The following CRACR2B variants were observed in gnomAD, a reference collection of about 807,000 sequenced individuals.
CRACR2B encodes EF-hand calcium-binding domain-containing protein 4A.
CRACR2B carries 50 observed loss-of-function variants against 46.0 expected under a neutral mutation model. That is an observed-to-expected ratio of 1.09 (90% confidence interval 0.87 to 1.38). The LOEUF (loss-of-function observed/expected upper bound fraction) is 1.38. Among genes scored for constraint, CRACR2B ranks in the 40% most tolerant of loss-of-function variants. The pLI, the probability that CRACR2B is intolerant of heterozygous loss-of-function variation, is 0.00. For missense variants in CRACR2B, 667 were observed against 535.0 expected, an observed-to-expected ratio of 1.25 and a Z score of -2.43; for synonymous variants, 277 against 239.6, an observed-to-expected ratio of 1.16 and a Z score of -1.44.
intron 5 of CRACR2B, 98 bp from the exon 6 acceptor site, chr11:830,523 G>C: frequency 6.5e-7 from 1 of 1,541,994 alleles, no homozygotes; most frequent in Non-Finnish European, 8.7e-7. Flanking sequence ...ACCCGACCCC[G>C]CTCCGCCCGG....
At position 831,214 on chromosome 11, in the gene CRACR2B, C is replaced by T. The variant is rs1846398875; in HGVS notation, c.954-10C>T. 4 of 1,609,986 alleles carry T rather than the reference C, an allele frequency of 2.5e-6. No homozygotes were observed. The highest frequency in any genetic ancestry group is 3.4e-6 in the Non-Finnish European group (4 of 1,179,228). On this transcript the variant is annotated splice_polypyrimidine_tract_variant and intron_variant, in intron 7 of 8. Coordinates refer to ENST00000525077, the MANE Select transcript of CRACR2B (RefSeq NM_001286606.2). ...CTTCCTGCAGCCGGGTCACCACCTC[C>T]CATCCACAGAGACGTGGTCGCCGTC...
At chr11:830,530 C>T in intron 5 of CRACR2B, 91 bp from the exon 6 acceptor site, 1 of 1,543,766 alleles carries the variant, frequency 6.5e-7, no homozygotes, top group South Asian at 1.2e-5. Flanking sequence ...CCCGCTCCGC[C>T]CGGGCCCACT....
upstream of CRACR2B, chr11:827,547 G>T (rs1247395932): frequency 3.0e-6 from 3 of 985,174 alleles, no homozygotes; most frequent in Non-Finnish European, 3.6e-6. Context: ...CCTCCCTGGG[G>T]CCCTGCTGCC....
chr11:830,368 G>A, intron 5 of CRACR2B, 31 bp downstream of exon 5: 1 of 1,536,746 alleles, frequency 6.5e-7, no homozygotes, highest in Non-Finnish European at 8.7e-7. Flanking sequence ...CTCCCGCCAG[G>A]CCCAATCCCA....
rs750281226 is a variant in CRACR2B, at chr11:830,668, G to A, written c.741G>A (p.Gln247=). 1.9e-5 allele frequency: 30 copies of A among 1,547,196 alleles called. No homozygotes were observed. Among genetic ancestry groups the A allele is most frequent in the Non-Finnish European group, 2.4e-5 (27 of 1,146,204 alleles). The change falls in exon 6 of 9, where the codon CAG becomes CAA. Residue 247 remains glutamine (Q), a synonymous_variant. Coordinates refer to ENST00000525077, the MANE Select transcript of CRACR2B (RefSeq NM_001286606.2). ...ERRSRLELEL[Q]SREQDLERAG... is the part of the protein sequence containing the mutation. The stretch of plus-strand genomic sequence containing the variant: ...GAAGCCGTCTGGAGCTGGAGCTGCA[G>A]AGCCGCGAGCAGGACCTGGAACGCG...
At chr11:830,182 A>T (rs1375514570) in intron 4 of CRACR2B, 50 bp downstream of exon 4, 2 of 1,497,594 alleles carry the variant, frequency 1.3e-6, no homozygotes, top group Non-Finnish European at 1.8e-6. Flanking sequence ...TCAGGGCAGC[A>T]GCAGAGGCGG....
rs1367129356 is a variant in CRACR2B at position 827,988 on chromosome 11, G to A, written c.-620G>A. 6.6e-6 allele frequency among the ~76,000 whole-genome samples: 1 copy of A among 152,158 alleles called. No individual in the cohort carries two copies. The highest frequency in any genetic ancestry group is 1.5e-5 in the Non-Finnish European group (1 of 68,014). ...CCTGAGTGGGGCGTCAGAGGCGAAG[G>A]GCTCTGCAGGCTGGGACCTTGCCCC... On this transcript the variant is annotated 5_prime_UTR_variant, in exon 1 of 9. Transcript: ENST00000525077.
intron 2 of CRACR2B, 139 bp from the exon 3 acceptor site, chr11:829,221 G>C: frequency 6.9e-7 from 1 of 1,452,786 alleles, no homozygotes; most frequent in South Asian, 1.4e-5. Context: ...CTTGTTTCCA[G>C]GCCAATAGGA....
rs1032721405 is a variant in CRACR2B at position 829,301 on chromosome 11, G to A, written c.278-59G>A. 5.8e-6 allele frequency: 9 copies of A among 1,539,056 alleles called. No homozygotes were observed. In the South Asian group the frequency reaches 9.8e-5, roughly 17 times the overall value. On this transcript the variant is annotated intron_variant, in intron 2 of 8. Coordinates refer to ENST00000525077, the MANE Select transcript of CRACR2B (RefSeq NM_001286606.2). ...CAGGATACTCGTTGGGAGGGTGAAC[G>A]GGGACACAGCCACGGTGGCGACCCA...
In CRACR2B at chr11:828,537, C is replaced by G; in HGVS notation, c.-71C>G. 1 of 1,484,200 alleles carries G rather than the reference C, an allele frequency of 6.7e-7. No individual in the cohort carries two copies. Among genetic ancestry groups the G allele is most frequent in the Non-Finnish European group, 8.9e-7 (1 of 1,123,554 alleles). The allele number at this position is 1,484,200 out of a possible 1,614,324, so 91.9% of individuals were successfully genotyped here. On this transcript the variant is annotated 5_prime_UTR_variant, in exon 1 of 9. Coordinates refer to ENST00000525077, the MANE Select transcript of CRACR2B (RefSeq NM_001286606.2). ...GACACACTTGCACCCCATCCGCTCC[C>G]CTCCTGAATTTCTTCTGACCCTCCC...
At chr11:829,217 T>G in intron 2 of CRACR2B, 143 bp from the exon 3 acceptor site, 1 of 1,443,384 alleles carries the variant, frequency 6.9e-7, no homozygotes, top group Non-Finnish European at 9.2e-7. Context: ...ACCTCTTGTT[T>G]CCAGGCCAAT....
chr11:827,484 G>A (rs1590186451), upstream of CRACR2B: 2 of 955,582 alleles, frequency 2.1e-6, no homozygotes, highest in African/African-American at 1.8e-5. Context: ...GTCCCCCAGA[G>A]TTTCGGGGAG....
At position 830,943 on chromosome 11, in the gene CRACR2B, C is replaced by G. The variant is rs932004537; in HGVS notation, c.864C>G (p.His288Gln). The G allele has an allele frequency of 2.0e-6, 3 of 1,532,742 alleles. No individual in the cohort carries two copies. In the African/African-American group the frequency reaches 4.1e-5, roughly 21 times the overall value. 94.9% of individuals were successfully genotyped at this position (1,532,742 alleles called of 1,614,324 possible). The change falls in exon 7 of 9, where the codon CAC (histidine) becomes CAG (glutamine). Residue 288 changes from histidine (H) to glutamine (Q), a missense_variant. Physicochemically the swap from His to Gln is conservative, Grantham distance 24. Transcript: ENST00000525077. The stretch of plus-strand genomic sequence containing the variant: ...AGAACTCCCAGCTGTGGCGGGCGCA[C>G]GAGGCGCTGCGAACGCAGCTGGAGG... ...QAQNSQLWRA[H>Q]EALRTQLEGA...
chr11:829,711 G>A lies in CRACR2B; in HGVS notation c.458+171G>A. 2.9e-6 allele frequency: 3 copies of A among 1,051,712 alleles called. 1 individual carries two copies. The South Asian group carries it at 5.1e-5, about 18-fold the overall frequency. The allele number at this position is 1,051,712 out of a possible 1,614,324, so 65.1% of individuals were successfully genotyped here. On this transcript the variant is annotated intron_variant, in intron 3 of 8. Transcript: ENST00000525077. ...GAGGGACCCGGCATGATTTCCCGCA[G>A]AATTTGCATTTCATGAGGCAGCAGC...
chr11:829,589 G>A, intron 3 of CRACR2B, 49 bp downstream of exon 3: 2 of 1,491,652 alleles, frequency 1.3e-6, no homozygotes, highest in Non-Finnish European at 1.8e-6. Flanking sequence ...CTGTTTCTCT[G>A]CCTGCATGCT....
Position 829,412 on chromosome 11 carries a change from C to G in CRACR2B, c.330C>G (p.Pro110=), listed in dbSNP as rs772686357. Residue 110 remains proline, a synonymous_variant, in exon 3 of 9, where the codon CCC becomes CCG. Coordinates refer to ENST00000525077, the MANE Select transcript of CRACR2B (RefSeq NM_001286606.2). ...AGGGAGCGAACCCCTGCAGGACTCC[C>G]GAGGAGACCTTTGAGTCGGGCGGGC... The part of the protein sequence containing the change: ...SAQGANPCRT[P]EETFESGGLD... The G allele has an allele frequency of 1.1e-5, 18 of 1,610,930 alleles. No individual in the cohort carries two copies. The highest frequency in any genetic ancestry group is 6.7e-5 in the Admixed American group (4 of 59,396).
At position 830,605 on chromosome 11, in the gene CRACR2B, C is replaced by T; in HGVS notation, c.694-16C>T. 1 of 1,549,144 alleles carries T rather than the reference C, an allele frequency of 6.5e-7. No individual in the cohort carries two copies. Among genetic ancestry groups the T allele is most frequent in the Non-Finnish European group, 8.7e-7 (1 of 1,146,760 alleles). ...GAGCGGCCGGCGGAGGCTCAGTGGT[C>T]CTCCGTGCGTCCCAGAACTTCGCCC... On this transcript the variant is annotated splice_polypyrimidine_tract_variant and intron_variant, in intron 5 of 8. Transcript: ENST00000525077.
Position 831,473 on chromosome 11 carries a change from C to A in CRACR2B, c.1026-62C>A, listed in dbSNP as rs901561960. The A allele has an allele frequency of 4.6e-6, 7 of 1,512,126 alleles. No individual in the cohort carries two copies. In the African/African-American group the frequency reaches 9.8e-5, roughly 21 times the overall value. The allele number at this position is 1,512,126 out of a possible 1,614,324, so 93.7% of individuals were successfully genotyped here. ...CTCTTCGCTCTGAGGGGAGTCGGAG[C>A]TCACCTCCCCCCACCTTGAGCTCCC... On this transcript the variant is annotated intron_variant, in intron 8 of 8. Coordinates refer to ENST00000525077, the MANE Select transcript of CRACR2B (RefSeq NM_001286606.2).
chr11:826,755 C>T (rs1285955438), upstream of CRACR2B, among the ~76,000 whole-genome samples: 2 of 151,808 alleles, frequency 1.3e-5, no homozygotes, highest in African/African-American at 2.4e-5. Flanking sequence ...GAACTCCTGA[C>T]CTCAGGTGAT....
Sources: gnomAD v4.1 joint callset for allele counts (sites outside exome capture counted in the v4.1 genomes callset) on GRCh38, gnomAD v4.1.1 for gene constraint, MANE v1.5 for transcripts, NCBI Gene and HGNC (gene_info 2026-07-23, HGNC 2026-07-21) for gene names.